Variants in VPS13A observed in about 807,000 individuals in gnomAD.
VPS13A encodes the protein vacuolar protein sorting 13 homolog A.
In VPS13A, 264 loss-of-function variants were observed where a neutral mutation model predicts 390.9. The ratio of observed to expected loss-of-function variants is 0.68; its 90% CI spans 0.61 to 0.75. The LOEUF is 0.75. Among genes scored for constraint, VPS13A ranks in the 30% least tolerant of loss-of-function variants. VPS13A has a pLI of 0.00. For missense variants in VPS13A, 3,409 were observed against 3,733.9 expected (o/e 0.91, Z 2.27); for synonymous variants, 1,231 against 1,227.1 (o/e 1.00, Z -0.07).
intron 31 of VPS13A, among the ~76,000 whole-genome samples, chr9:77,284,918 T>C (rs1827246971): frequency 6.6e-6 from 1 of 151,958 alleles, no homozygotes; most frequent in South Asian, 2.1e-4. Flanking sequence ...TTGGCCAGGC[T>C]CATCTCAAAC....
At chr9:77,342,400 A>ATTT (rs35618394) in intron 50 of VPS13A, among the ~76,000 whole-genome samples, 41 of 148,110 alleles carry the variant, frequency 2.8e-4, no homozygotes, top group South Asian at 1.1e-3. Context: ...CTTAACTGTC[A>ATTT]TTTTTTTTTT....
At chr9:77,245,639 G>GT (rs1045276922) in intron 19 of VPS13A, among the ~76,000 whole-genome samples, 2 of 152,096 alleles carry the variant, frequency 1.3e-5, no homozygotes, top group Non-Finnish European at 2.9e-5. Flanking sequence ...AAATGCCAGG[G>GT]TTTTTTCTTC....
At position 77,356,770 on chromosome 9, in the gene VPS13A, G is replaced by A; in HGVS notation, c.7709G>A (p.Ser2570Asn). The A allele has an allele frequency of 6.2e-7, 1 of 1,613,824 alleles. No individual in the cohort carries two copies. The highest frequency in any genetic ancestry group is 8.5e-7 in the Non-Finnish European group (1 of 1,179,884). ...AAGAAGGCAAGATGGAAGCCAATGA[G>A]TGTAAAGCACACTGAGAAGTTAGAG... ...PKKKARWKPM[S>N]VKHTEKLERE... The change falls in exon 55 of 72, where the codon AGT becomes AAT. Residue 2570 changes from serine (S) to asparagine (N), a missense_variant. By Grantham distance (46) the Ser-to-Asn change is conservative. Around this residue, in one of 5 missense-constraint regions of VPS13A, gnomAD observed 221 missense variants for 300.7 expected, o/e 0.73. Coordinates refer to ENST00000360280, the MANE Select transcript of VPS13A (RefSeq NM_033305.3).
At chr9:77,393,034 A>G (rs986862156) in intron 68 of VPS13A, among the ~76,000 whole-genome samples, 12 of 152,276 alleles carry the variant, frequency 7.9e-5, no homozygotes, top group Non-Finnish European at 1.8e-4. Flanking sequence ...TTTACCCTCA[A>G]TAGAACTTCT....
chr9:77,259,544 C>T (rs999186918), intron 22 of VPS13A, among the ~76,000 whole-genome samples: 3 of 152,142 alleles, frequency 2.0e-5, no homozygotes, highest in Non-Finnish European at 1.5e-5. Flanking sequence ...CTCTCTCTCT[C>T]TCTGATAGTG....
Position 77,262,205 on chromosome 9 carries a change from C to A in VPS13A, c.2427+1981C>A, listed in dbSNP as rs528391030. 1.7e-3 allele frequency among the ~76,000 whole-genome samples: 264 copies of A among 151,754 alleles called. 2 individuals carry two copies. The South Asian group carries it at 0.021, about 12-fold the overall frequency. On this transcript the variant is annotated intron_variant, in intron 23 of 71. Transcript: ENST00000360280. The stretch of plus-strand genomic sequence containing the variant: ...TATCTCATATGTAAATTTATTTTTG[C>A]CAGGCAGAAGCGTTTTATTTTTTAC...
At chr9:77,205,195 T>C (rs1825565771) in intron 3 of VPS13A, 118 bp from the exon 4 acceptor site, 2 of 442,070 alleles carry the variant, frequency 4.5e-6, no homozygotes, top group Non-Finnish European at 8.0e-6. Flanking sequence ...GATTAAACGC[T>C]TAAGGACAAA....
At chr9:77,263,733 GA>G (rs1364280896) in intron 23 of VPS13A, among the ~76,000 whole-genome samples, 2 of 152,140 alleles carry the variant, frequency 1.3e-5, no homozygotes, top group African/African-American at 4.8e-5. Flanking sequence ...TTGCTGTGCA[GA>G]AGCTCATTAG....
Position 77,214,365 on chromosome 9 carries a change from G to T in VPS13A, c.733G>T (p.Val245Phe). 6.2e-7 allele frequency: 1 copy of T among 1,612,898 alleles called. No homozygotes were observed. Among genetic ancestry groups the T allele is most frequent in the East Asian group, 2.2e-5 (1 of 44,826 alleles). Residue 245 changes from valine (V) to phenylalanine (F), a missense_variant, in exon 10 of 72, where the codon GTT becomes TTT. Coordinates refer to ENST00000360280, the MANE Select transcript of VPS13A (RefSeq NM_033305.3). ...GAATGGCATTGTCAATGAAAATATT[G>T]TTCCAGAAGGTTATGATTTTGGTAA... ...LKNGIVNENI[V>F]PEGYDFVFRP...
chr9:77,330,418 T>G (rs1169627169), intron 45 of VPS13A, among the ~76,000 whole-genome samples: 1 of 152,202 alleles, frequency 6.6e-6, no homozygotes, highest in African/African-American at 2.4e-5. Flanking sequence ...CCTTGAAATT[T>G]CAACTACTAG....
Position 77,366,573 on chromosome 9 carries a change from C to A in VPS13A, c.8326-154C>A, listed in dbSNP as rs372869162. Among the ~76,000 whole-genome samples, 4 of 152,104 alleles carry A rather than the reference C, an allele frequency of 2.6e-5. No individual in the cohort carries two copies. The East Asian group carries it at 7.7e-4, about 29-fold the overall frequency. ...TAGAGCTATGTTAGATTTTAAATTTCTTCATATTTCTACTTAGTGATTTTA... is the reference window on the plus strand; with the variant it reads ...TAGAGCTATGTTAGATTTTAAATTTATTCATATTTCTACTTAGTGATTTTA... On this transcript the variant is annotated intron_variant, in intron 60 of 71. Coordinates refer to ENST00000360280, the MANE Select transcript of VPS13A (RefSeq NM_033305.3).
intron 67 of VPS13A, among the ~76,000 whole-genome samples, chr9:77,380,629 A>T (rs1404299104): frequency 6.6e-6 from 1 of 152,150 alleles, no homozygotes; most frequent in Non-Finnish European, 1.5e-5. Flanking sequence ...TTTCAGTTGG[A>T]GAATTTATTC....
At chr9:77,221,482 T>C (rs1823210862) in intron 13 of VPS13A, 126 bp downstream of exon 13, 2 of 1,021,530 alleles carry the variant, frequency 2.0e-6, no homozygotes, top group Non-Finnish European at 2.9e-6. Context: ...TTACTTAGAC[T>C]TTTTTGTGCT....
chr9:77,321,152 A>G lies in VPS13A; in HGVS notation c.5416-17A>G, dbSNP rs760133890. On this transcript the variant is annotated splice_polypyrimidine_tract_variant and intron_variant, in intron 42 of 71. Transcript: ENST00000360280. The stretch of plus-strand genomic sequence containing the variant: ...TCTTAGAATTTTTCCTTATATTTCT[A>G]TGATTTATCATTTTAGATGAAAAAG... The G allele has an allele frequency of 1.8e-5, 29 of 1,607,842 alleles. No homozygotes were observed. The highest frequency in any genetic ancestry group is 1.5e-4 in the African/African-American group (11 of 74,706).
chr9:77,318,972 G>A (rs146906633), intron 41 of VPS13A, among the ~76,000 whole-genome samples: 49 of 151,958 alleles, frequency 3.2e-4, no homozygotes, highest in African/African-American at 1.2e-3. Context: ...CAGAAGGATC[G>A]CTTGAGCCCA....
At chr9:77,214,264 A>C (rs1822719840) in intron 9 of VPS13A, 65 bp from the exon 10 acceptor site, 1 of 1,397,056 alleles carries the variant, frequency 7.2e-7, no homozygotes, top group South Asian at 1.2e-5. Context: ...TGACAGGGGG[A>C]GACTCCATCT....
At chr9:77,276,608 T>G (rs1826684894) in intron 26 of VPS13A, among the ~76,000 whole-genome samples, 1 of 152,218 alleles carries the variant, frequency 6.6e-6, no homozygotes, top group Non-Finnish European at 1.5e-5. Context: ...TGGGCAAAAC[T>G]CAAGGTGTCA....
intron 47 of VPS13A, 113 bp downstream of exon 47, chr9:77,337,650 T>A: frequency 9.4e-7 from 1 of 1,060,002 alleles, no homozygotes; most frequent in Non-Finnish European, 1.4e-6. Context: ...AGAATACTAG[T>A]AAAGAATAGG....
intron 14 of VPS13A, 52 bp downstream of exon 14, chr9:77,226,040 A>G: frequency 5.4e-6 from 8 of 1,487,282 alleles, no homozygotes. Flanking sequence ...CCATATAGAT[A>G]TGACAGATGT....
Sources: gnomAD v4.1 joint callset for allele counts (sites outside exome capture counted in the v4.1 genomes callset) on GRCh38, gnomAD v4.1.1 for gene constraint, gnomAD v4.1.1 regional missense constraint, MANE v1.5 for transcripts, NCBI Gene and HGNC (gene_info 2026-07-23, HGNC 2026-07-21) for gene names.